RAB6A: variants seen among roughly 807,000 people sequenced by gnomAD.
RAB6A encodes RAB6A, member RAS oncogene family, also known as ras-related protein Rab-6A.
In RAB6A, 8 loss-of-function variants were observed where a neutral mutation model predicts 32.3. The ratio of observed to expected loss-of-function variants is 0.25; its 90% CI spans 0.15 to 0.45. RAB6A has a LOEUF of 0.45. RAB6A is among the 20% of genes least tolerant of loss of function. The pLI is 1.00. For missense variants in RAB6A, 104 were observed against 249.4 expected (o/e 0.42, Z 3.93); for synonymous variants, 73 against 82.1 (o/e 0.89, Z 0.60).
At chr11:73,738,308 G>A (rs548803331) in intron 1 of RAB6A, among the ~76,000 whole-genome samples, 24 of 152,048 alleles carry the variant, frequency 1.6e-4, no homozygotes, top group African/African-American at 4.8e-4. Context: ...ATGCCTAGCC[G>A]GTACTACAAT....
intron 6 of RAB6A, among the ~76,000 whole-genome samples, chr11:73,700,609 T>TGGGGGGGGGGGG (rs59223959): frequency 2.1e-4 from 6 of 28,626 alleles, no homozygotes; most frequent in Non-Finnish European, 2.6e-4. Context: ...AGTGTGTGTG[T>TGGGGGGGGGGGG]GGGGGGGGGG....
chr11:73,744,427 C>T (rs796458983), intron 1 of RAB6A, among the ~76,000 whole-genome samples: 27 of 142,068 alleles, frequency 1.9e-4, no homozygotes, highest in African/African-American at 6.9e-4. Context: ...AGGAGTATCA[C>T]TTGAGCCCAG....
In RAB6A at chr11:73,709,950, C is replaced by CACACATAT. The variant is rs1555058393; in HGVS notation, c.402-2438_402-2437insATATGTGT. ...ATATATATACATACACACACACACA[C>CACACATAT]ATATATATATATTTTTTTTTTTTTT... On this transcript the variant is annotated intron_variant, in intron 5 of 7. Transcript: ENST00000336083. 1.6e-4 allele frequency among the ~76,000 whole-genome samples: 9 copies of CACACATAT among 57,384 alleles called. No individual in the cohort carries two copies. The South Asian group carries it at 1.8e-3, about 12-fold the overall frequency. 37.6% of individuals were successfully genotyped at this position (57,384 alleles called of 152,430 possible).
rs562548895 is a variant in RAB6A at position 73,700,108 on chromosome 11, C to T, written c.495+7312G>A. Among the ~76,000 whole-genome samples, 290 of 151,898 alleles carry T rather than the reference C, an allele frequency of 1.9e-3. 1 individual carries two copies. Among genetic ancestry groups the T allele is most frequent in the African/African-American group, 6.4e-3 (266 of 41,522 alleles). On this transcript the variant is annotated intron_variant, in intron 6 of 7. Coordinates refer to ENST00000336083, the MANE Select transcript of RAB6A (RefSeq NM_198896.2). ...AGAAGTTGAAGATCAAGGAGTTTTT[C>T]TTTTCTTTTTCCATTTTTCAGTACT...
At chr11:73,728,346 GTTT>G (rs1946253114) in intron 2 of RAB6A, among the ~76,000 whole-genome samples, 1 of 152,026 alleles carries the variant, frequency 6.6e-6, no homozygotes, top group South Asian at 2.1e-4. Flanking sequence ...GTTGTTGTAT[GTTT>G]TTATCATGAA....
intron 1 of RAB6A, among the ~76,000 whole-genome samples, chr11:73,759,372 T>C (rs1466299112): frequency 1.3e-5 from 2 of 151,632 alleles, no homozygotes; most frequent in African/African-American, 4.9e-5. Context: ...GATACAACCA[T>C]CACAAAATTA....
intron 4 of RAB6A, among the ~76,000 whole-genome samples, chr11:73,717,550 T>C (rs551225708): frequency 6.6e-6 from 1 of 151,910 alleles, no homozygotes; most frequent in East Asian, 1.9e-4. Flanking sequence ...GTTCAAGAGG[T>C]TTTCCTGCCT....
At chr11:73,687,676 T>C (rs757714059) in intron 6 of RAB6A, among the ~76,000 whole-genome samples, 3 of 152,200 alleles carry the variant, frequency 2.0e-5, no homozygotes, top group Admixed American at 6.5e-5. Context: ...GCTAACATGA[T>C]GAAACCCCGT....
intron 6 of RAB6A, among the ~76,000 whole-genome samples, chr11:73,706,179 T>C (rs1159237188): frequency 6.6e-6 from 1 of 152,174 alleles, no homozygotes. Context: ...ACTATTTAAA[T>C]GATGTTACTG....
intron 6 of RAB6A, among the ~76,000 whole-genome samples, chr11:73,687,384 A>T (rs75187623): frequency 0.045 from 6,779 of 152,282 alleles, 272 homozygotes; most frequent in East Asian, 0.17. Context: ...TCTTAGGATA[A>T]TGAACACAAT....
chr11:73,691,627 T>C (rs1169748035), intron 6 of RAB6A, among the ~76,000 whole-genome samples: 1 of 152,208 alleles, frequency 6.6e-6, no homozygotes, highest in East Asian at 1.9e-4. Context: ...TTTCAAAATG[T>C]TAGCTAAAAC....
At chr11:73,681,435 A>G (rs567374081) in intron 6 of RAB6A, among the ~76,000 whole-genome samples, 2 of 152,380 alleles carry the variant, frequency 1.3e-5, no homozygotes, top group East Asian at 1.9e-4. Context: ...TAAGTGCTCT[A>G]TAAGTATTAC....
intron 1 of RAB6A, among the ~76,000 whole-genome samples, chr11:73,740,305 T>C (rs1946475260): frequency 6.6e-6 from 1 of 152,114 alleles, no homozygotes; most frequent in African/African-American, 2.4e-5. Flanking sequence ...CAAAAGACAC[T>C]ATCTAGTCAT....
chr11:73,709,961 AT>A (rs776254550), intron 5 of RAB6A, among the ~76,000 whole-genome samples: 58 of 81,728 alleles, frequency 7.1e-4, no homozygotes, highest in East Asian at 1.3e-3. Flanking sequence ...ATATATATAT[AT>A]TTTTTTTTTT....
At chr11:73,696,315 G>C (rs1216544448) in intron 6 of RAB6A, among the ~76,000 whole-genome samples, 1 of 151,788 alleles carries the variant, frequency 6.6e-6, no homozygotes, top group Non-Finnish European at 1.5e-5. Flanking sequence ...CTCCTGCCTC[G>C]ACCTCCTGAG....
chr11:73,681,499 G>C (rs914338840), intron 6 of RAB6A, among the ~76,000 whole-genome samples: 1 of 152,110 alleles, frequency 6.6e-6, no homozygotes, highest in African/African-American at 2.4e-5. Context: ...TAAGAGACTG[G>C]AACTACAACT....
chr11:73,747,004 C>T (rs1298315940), intron 1 of RAB6A, among the ~76,000 whole-genome samples: 5 of 152,056 alleles, frequency 3.3e-5, no homozygotes, highest in Non-Finnish European at 5.9e-5. Context: ...GGTGCAATCT[C>T]GGCGCACTGC....
intron 6 of RAB6A, among the ~76,000 whole-genome samples, chr11:73,684,543 T>C (rs941210950): frequency 7.9e-5 from 12 of 152,326 alleles, no homozygotes; most frequent in Admixed American, 3.3e-4. Flanking sequence ...CTCACACACA[T>C]TGGAAACCAG....
intron 6 of RAB6A, among the ~76,000 whole-genome samples, chr11:73,693,272 A>T (rs913004722): frequency 3.3e-5 from 5 of 151,970 alleles, no homozygotes; most frequent in Non-Finnish European, 5.9e-5. Flanking sequence ...TGGATGACAG[A>T]GCAAGACTCC....
Sources: allele counts gnomAD v4.1 joint callset (sites outside exome capture counted in the v4.1 genomes callset), GRCh38; gene constraint gnomAD v4.1.1; transcripts MANE v1.5; gene names NCBI Gene and HGNC (gene_info 2026-07-23, HGNC 2026-07-21).